LGSN: variants seen among roughly 807,000 people sequenced by gnomAD.
The protein encoded by LGSN is lengsin.
LGSN carries 21 observed loss-of-function variants against 19.5 expected under a neutral mutation model. The observed-to-expected ratio is 1.07, with a 90% CI of 0.76 to 1.55. The LOEUF is 1.55. LGSN is among the 40% of genes most tolerant of loss of function. LGSN has a pLI of 0.00. For missense variants in LGSN, 673 were observed against 608.5 expected (o/e 1.11, Z -1.12); for synonymous variants, 257 against 215.6 (o/e 1.19, Z -1.68).
At chr6:63,292,919 T>A (rs886917512) in intron 2 of LGSN, among the ~76,000 whole-genome samples, 2 of 152,208 alleles carry the variant, frequency 1.3e-5, no homozygotes, top group African/African-American at 2.4e-5. Context: ...GGTAATGTGG[T>A]AGACACTATC....
chr6:63,408,631 A>G, the LGSN span, among the ~76,000 whole-genome samples: 1 of 150,778 alleles, frequency 6.6e-6, no homozygotes, highest in Non-Finnish European at 1.5e-5. Context: ...CAAGGACTTC[A>G]TGTCTAAAAC....
chr6:63,543,689 G>T, the LGSN span, among the ~76,000 whole-genome samples: 1 of 152,150 alleles, frequency 6.6e-6, no homozygotes, highest in East Asian at 1.9e-4. Context: ...CAATATTTGA[G>T]AAATAAACCC....
At chr6:63,363,626 G>C in the LGSN span, among the ~76,000 whole-genome samples, 165 of 152,266 alleles carry the variant, frequency 1.1e-3, 1 homozygote, top group African/African-American at 3.7e-3. Context: ...TGAATGAAAT[G>C]AAGCAAGAAG....
chr6:63,501,135 G>T, the LGSN span, among the ~76,000 whole-genome samples: 1 of 152,084 alleles, frequency 6.6e-6, no homozygotes, highest in South Asian at 2.1e-4. Context: ...ACTTTGGGAG[G>T]CTGAGGCGGG....
chr6:63,302,622 C>A (rs1213782234), intron 1 of LGSN, among the ~76,000 whole-genome samples: 1 of 152,182 alleles, frequency 6.6e-6, no homozygotes, highest in Non-Finnish European at 1.5e-5. Context: ...TCAGCCAGTA[C>A]TGATGTTGTT....
At chr6:63,390,010 C>T in the LGSN span, among the ~76,000 whole-genome samples, 1 of 149,910 alleles carries the variant, frequency 6.7e-6, no homozygotes, top group Admixed American at 6.7e-5. Context: ...TTTGTGAATG[C>T]TAAGTAGGGA....
chr6:63,403,709 A>G, the LGSN span, among the ~76,000 whole-genome samples: 1 of 152,164 alleles, frequency 6.6e-6, no homozygotes, highest in Non-Finnish European at 1.5e-5. Context: ...ATTCTACAAT[A>G]ACCTTTACTA....
At chr6:63,554,300 C>A in the LGSN span, among the ~76,000 whole-genome samples, 4 of 152,288 alleles carry the variant, frequency 2.6e-5, no homozygotes, top group African/African-American at 9.6e-5. Context: ...GAAAAGCATT[C>A]TATTCATGTT....
At chr6:63,341,415 G>A in the LGSN span, among the ~76,000 whole-genome samples, 6 of 152,212 alleles carry the variant, frequency 3.9e-5, no homozygotes, top group Non-Finnish European at 8.8e-5. Context: ...GTGTGTGAGT[G>A]GATCGGTCTT....
At chr6:63,314,365 C>T (rs1050691449) in intron 1 of LGSN, among the ~76,000 whole-genome samples, 7 of 152,278 alleles carry the variant, frequency 4.6e-5, no homozygotes, top group African/African-American at 1.2e-4. Flanking sequence ...CTGCCAGAGG[C>T]TTTAACTTGG....
the LGSN span, chr6:63,572,513 GGCCGGCTCGGCTACGCGCTCTGCTCCGA>G: frequency 5.1e-6 from 2 of 391,692 alleles, no homozygotes; most frequent in Non-Finnish European, 9.0e-6. Context: ...TTCGGCTGCG[GGCCGGCTCGGCTACGCGCTCTGCTCCGA>G]GCCGCTCACT....
At chr6:63,326,195 T>G in the LGSN span, among the ~76,000 whole-genome samples, 1 of 151,370 alleles carries the variant, frequency 6.6e-6, no homozygotes, top group African/African-American at 2.5e-5. Flanking sequence ...CTGATTGGTG[T>G]GTTACAAACC....
chr6:63,278,892 A>T lies in LGSN; in HGVS notation c.*1129T>A. 1 of 152,254 alleles carries T rather than the reference A, an allele frequency of 6.6e-6. No homozygotes were observed. The highest frequency in any genetic ancestry group is 1.5e-5 in the Non-Finnish European group (1 of 68,012). 9.4% of individuals were successfully genotyped at this position (152,254 alleles called of 1,614,324 possible). Reference sequence around the variant, plus strand: ...CCTCTGCTTGTGCAATTGCTATCTAAATTGAGACTACAGTCAGTTTTAATT... The same window carrying T: ...CCTCTGCTTGTGCAATTGCTATCTATATTGAGACTACAGTCAGTTTTAATT... On this transcript the variant is annotated 3_prime_UTR_variant, in exon 4 of 4. Coordinates refer to ENST00000370657, the MANE Select transcript of LGSN (RefSeq NM_016571.3).
At chr6:63,495,292 G>C in the LGSN span, among the ~76,000 whole-genome samples, 1 of 151,798 alleles carries the variant, frequency 6.6e-6, no homozygotes, top group Non-Finnish European at 1.5e-5. Flanking sequence ...TCATTTTCTA[G>C]ATGAGGAAAT....
chr6:63,475,531 T>C, the LGSN span, among the ~76,000 whole-genome samples: 1 of 152,162 alleles, frequency 6.6e-6, no homozygotes, highest in African/African-American at 2.4e-5. Context: ...ATTTATACAA[T>C]TGAATATTTC....
the LGSN span, among the ~76,000 whole-genome samples, chr6:63,452,508 G>A: frequency 1.3e-5 from 2 of 151,952 alleles, no homozygotes; most frequent in East Asian, 1.9e-4. Flanking sequence ...GTAAACTCTG[G>A]TAGTTTGTGA....
the LGSN span, among the ~76,000 whole-genome samples, chr6:63,567,685 G>GAACT: frequency 6.6e-6 from 1 of 152,208 alleles, no homozygotes; most frequent in Non-Finnish European, 1.5e-5. Context: ...CCTAACAAGA[G>GAACT]AACTGCCTGT....
At chr6:63,422,726 C>T in the LGSN span, among the ~76,000 whole-genome samples, 1 of 151,780 alleles carries the variant, frequency 6.6e-6, no homozygotes, top group Admixed American at 6.6e-5. Context: ...GAAATAAATA[C>T]TATAGATAAT....
chr6:63,539,260 A>G, the LGSN span, among the ~76,000 whole-genome samples: 1 of 152,190 alleles, frequency 6.6e-6, no homozygotes, highest in African/African-American at 2.4e-5. Flanking sequence ...ATTACATAAC[A>G]TGTAATATTA....
Sources: gnomAD v4.1 joint callset for allele counts (sites outside exome capture counted in the v4.1 genomes callset) on GRCh38, gnomAD v4.1.1 for gene constraint, MANE v1.5 for transcripts, NCBI Gene and HGNC (gene_info 2026-07-23, HGNC 2026-07-21) for gene names.